The following TRIM5 variants were observed in gnomAD, a reference collection of about 807,000 sequenced individuals.
The protein encoded by TRIM5 is tripartite motif-containing protein 5.
TRIM5 carries 31 observed loss-of-function variants against 35.6 expected under a neutral mutation model. The observed-to-expected ratio is 0.87, with a 90% CI of 0.65 to 1.18. The LOEUF is 1.18. TRIM5 is among the 50% of genes most tolerant of loss of function. The pLI, the probability that TRIM5 is intolerant of heterozygous loss-of-function variation, is 0.00. For synonymous variants in TRIM5, 243 were observed against 215.6 expected, an observed-to-expected ratio of 1.13 and a Z score of -1.11; for missense variants, 609 against 591.6, an observed-to-expected ratio of 1.03 and a Z score of -0.31.
the TRIM5 span, chr11:5,596,868 T>A: frequency 6.2e-7 from 1 of 1,613,888 alleles, no homozygotes; most frequent in African/African-American, 1.3e-5. Flanking sequence ...ATTGCTTACA[T>A]CTGGAACTTC....
chr11:5,625,238 G>T, the TRIM5 span, among the ~76,000 whole-genome samples: 1 of 152,152 alleles, frequency 6.6e-6, no homozygotes, highest in Non-Finnish European at 1.5e-5. Flanking sequence ...GTCTGGGGAG[G>T]GACAGCCTTG....
the TRIM5 span, among the ~76,000 whole-genome samples, chr11:5,598,213 A>C: frequency 2.6e-5 from 4 of 152,200 alleles, no homozygotes; most frequent in Admixed American, 6.5e-5. Flanking sequence ...GCAGCCTCCC[A>C]TATCTCCCTT....
chr11:5,608,306 A>C, the TRIM5 span: 4 of 1,603,658 alleles, frequency 2.5e-6, no homozygotes, highest in East Asian at 9.0e-5. Context: ...GGGGACATGG[A>C]AGGAGAAATG....
chr11:5,616,939 G>C, the TRIM5 span, among the ~76,000 whole-genome samples: 2 of 142,402 alleles, frequency 1.4e-5, 1 homozygote, highest in Admixed American at 1.4e-4. Context: ...GTTTCACCAT[G>C]TTGGCCAGGC....
the TRIM5 span, chr11:5,603,293 G>T: frequency 6.2e-7 from 1 of 1,613,960 alleles, no homozygotes; most frequent in Non-Finnish European, 8.5e-7. Flanking sequence ...GGGCAGGCAG[G>T]AGCCAGGAGA....
intron 1 of TRIM5, 102 bp downstream of exon 1, chr11:5,684,766 G>T (rs978047428): frequency 1.3e-5 from 2 of 152,214 alleles, no homozygotes; most frequent in Admixed American, 1.3e-4. Flanking sequence ...CTGCCTGCCC[G>T]CCAGGCGGCT....
rs918188759 is a variant in TRIM5 at position 5,664,958 on chromosome 11, C to T, written c.1333G>A (p.Glu445Lys). ...PDRVGVFLDY[E>K]ACTVSFFNIT... Reference sequence around the variant, plus strand: ...TTGAAGAATGAGACAGTGCAAGCCTCATAGTCTAGGAAAACTCCAACACGA... The same window carrying T: ...TTGAAGAATGAGACAGTGCAAGCCTTATAGTCTAGGAAAACTCCAACACGA... The change falls in exon 8 of 8, where the codon GAG (glutamate) becomes AAG (lysine). Residue 445 changes from glutamate to lysine, a missense_variant. Coordinates refer to ENST00000380034, the MANE Select transcript of TRIM5 (RefSeq NM_033034.3). 4 of 1,614,032 alleles carry T rather than the reference C, an allele frequency of 2.5e-6. No homozygotes were observed. The highest frequency in any genetic ancestry group is 1.1e-5 in the South Asian group (1 of 91,074).
chr11:5,615,956 G>A, the TRIM5 span, among the ~76,000 whole-genome samples: 4 of 133,190 alleles, frequency 3.0e-5, no homozygotes, highest in South Asian at 4.8e-4. Context: ...TTTTTGAGAC[G>A]GAGTCTCGCT....
the TRIM5 span, chr11:5,642,788 C>T: frequency 6.2e-7 from 1 of 1,613,652 alleles, no homozygotes; most frequent in Non-Finnish European, 8.5e-7. Context: ...TGTTTCTAAT[C>T]AGCATCACTG....
At position 5,664,509 on chromosome 11, in the gene TRIM5, G is replaced by T; in HGVS notation, c.*300C>A. The stretch of plus-strand genomic sequence containing the variant: ...TCTTAGTCAGTGTCAGAGGCAATTG[G>T]GTGATAAATATCTGGCAGAAGTAAT... On this transcript the variant is annotated 3_prime_UTR_variant, in exon 8 of 8. Transcript: ENST00000380034. 2 of 1,088,124 alleles carry T rather than the reference G, an allele frequency of 1.8e-6. No homozygotes were observed. The highest frequency in any genetic ancestry group is 2.2e-6 in the Non-Finnish European group (2 of 894,822). The allele number at this position is 1,088,124 out of a possible 1,614,324, so 67.4% of individuals were successfully genotyped here. A position where few individuals can be genotyped will look rare whatever the true frequency, so the allele number is the denominator to read the frequency against.
At chr11:5,622,596 C>T in the TRIM5 span, among the ~76,000 whole-genome samples, 22 of 151,594 alleles carry the variant, frequency 1.5e-4, no homozygotes, top group Admixed American at 6.6e-4. Context: ...CCAGTCTGGG[C>T]GACAAGAACG....
chr11:5,655,778 T>C, the TRIM5 span: 1 of 767,534 alleles, frequency 1.3e-6, no homozygotes, highest in South Asian at 5.9e-5. Context: ...TGCTACATTT[T>C]AATTAATTGT....
the TRIM5 span, among the ~76,000 whole-genome samples, chr11:5,598,202 G>A: frequency 6.6e-6 from 1 of 152,144 alleles, no homozygotes; most frequent in Admixed American, 6.6e-5. Flanking sequence ...GTTGGAAACT[G>A]GCAGCCTCCC....
chr11:5,592,774 C>G, the TRIM5 span, among the ~76,000 whole-genome samples: 1 of 151,196 alleles, frequency 6.6e-6, no homozygotes. Context: ...AAAATTTACC[C>G]GGCACGGTGG....
At chr11:5,653,502 T>G in the TRIM5 span, among the ~76,000 whole-genome samples, 1 of 151,026 alleles carries the variant, frequency 6.6e-6, no homozygotes, top group African/African-American at 2.4e-5. Flanking sequence ...TTTTGTTTTT[T>G]TTTTTTTGAG....
At chr11:5,634,507 A>ACG in the TRIM5 span, 1 of 452,708 alleles carries the variant, frequency 2.2e-6, no homozygotes, top group Admixed American at 3.9e-5. Context: ...ACACACACAC[A>ACG]CACACACACA....
At chr11:5,627,294 C>T in the TRIM5 span, among the ~76,000 whole-genome samples, 8 of 151,990 alleles carry the variant, frequency 5.3e-5, no homozygotes, top group African/African-American at 1.9e-4. Flanking sequence ...GCAAGAGAAG[C>T]GCTTGAACCC....
At chr11:5,634,915 C>A in the TRIM5 span, 3 of 1,566,128 alleles carry the variant, frequency 1.9e-6, no homozygotes, top group East Asian at 4.6e-5. Context: ...CTCCTGTGTC[C>A]TTGCGTTCTC....
chr11:5,671,957 GA>G (rs1416390086), intron 4 of TRIM5, among the ~76,000 whole-genome samples: 1 of 151,878 alleles, frequency 6.6e-6, no homozygotes, highest in South Asian at 2.1e-4. Context: ...TCAAGGCAAA[GA>G]AAAAACTAAA....
Sources: allele counts gnomAD v4.1 joint callset (sites outside exome capture counted in the v4.1 genomes callset), GRCh38; gene constraint gnomAD v4.1.1; transcripts MANE v1.5; gene names NCBI Gene and HGNC (gene_info 2026-07-23, HGNC 2026-07-21).